Variants in CORO2B observed in about 807,000 individuals in gnomAD.
CORO2B encodes the protein coronin 2B.
CORO2B carries 26 observed loss-of-function variants against 58.8 expected under a neutral mutation model. The observed-to-expected ratio is 0.44, with a 90% CI of 0.32 to 0.61. CORO2B has a LOEUF of 0.61. Ranked by LOEUF, CORO2B falls within the 20% of genes least tolerant of loss-of-function variation. The pLI, the probability that CORO2B is intolerant of heterozygous loss-of-function variation, is 0.04. For synonymous variants in CORO2B, 242 were observed against 253.8 expected, an observed-to-expected ratio of 0.95 and a Z score of 0.44; for missense variants, 460 against 645.1, an observed-to-expected ratio of 0.71 and a Z score of 3.11.
chr15:68,706,605 C>T (rs1478306722), intron 3 of CORO2B, among the ~76,000 whole-genome samples: 3 of 152,246 alleles, frequency 2.0e-5, no homozygotes, highest in African/African-American at 7.2e-5. Flanking sequence ...AGACAGAATC[C>T]TCTGCCCCCA....
the CORO2B span, among the ~76,000 whole-genome samples, chr15:68,540,427 G>A: frequency 6.6e-6 from 1 of 152,200 alleles, no homozygotes; most frequent in Non-Finnish European, 1.5e-5. Flanking sequence ...TCCTTGAAGT[G>A]GTGGGCTCCT....
upstream of CORO2B, among the ~76,000 whole-genome samples, chr15:68,576,197 A>C (rs1327321478): frequency 7.1e-6 from 1 of 141,138 alleles, no homozygotes; most frequent in Non-Finnish European, 1.5e-5. Context: ...AAGAAAATGC[A>C]TGTATTTCTC....
chr15:68,646,367 C>T (rs530350269), intron 2 of CORO2B, among the ~76,000 whole-genome samples: 28 of 152,270 alleles, frequency 1.8e-4, no homozygotes, highest in African/African-American at 4.8e-4. Flanking sequence ...TCCCACCCTC[C>T]GCCAAATCGC....
rs535483420 is a variant in CORO2B, at chr15:68,661,702, G to A, written c.216+16342G>A. 1.5e-4 allele frequency among the ~76,000 whole-genome samples: 23 copies of A among 152,146 alleles called. 3 individuals are homozygous for A. Among genetic ancestry groups the A allele is most frequent in the African/African-American group, 4.1e-4 (17 of 41,498 alleles). ...TATTTTTCCAGAACAGGGCACTTTC[G>A]TCTGCATTAAAAACCTGTTCAGGGC... On this transcript the variant is annotated intron_variant, in intron 2 of 11. Coordinates refer to ENST00000261861, the MANE Select transcript of CORO2B (RefSeq NM_006091.5).
the CORO2B span, among the ~76,000 whole-genome samples, chr15:68,527,280 A>G: frequency 6.6e-6 from 1 of 152,124 alleles, no homozygotes; most frequent in African/African-American, 2.4e-5. Context: ...CTTACCCCAA[A>G]GTTGAAAAGA....
At chr15:68,675,923 T>C (rs1486855853) in intron 2 of CORO2B, among the ~76,000 whole-genome samples, 1 of 151,804 alleles carries the variant, frequency 6.6e-6, no homozygotes, top group Admixed American at 6.6e-5. Flanking sequence ...AGACAGATAA[T>C]AAAGTGGATT....
At chr15:68,553,275 G>A in the CORO2B span, among the ~76,000 whole-genome samples, 2 of 152,218 alleles carry the variant, frequency 1.3e-5, no homozygotes, top group Admixed American at 1.3e-4. Flanking sequence ...ACCTGATGTG[G>A]CAAAAGGAAC....
intron 1 of CORO2B, among the ~76,000 whole-genome samples, chr15:68,593,048 C>T (rs1899743508): frequency 6.6e-6 from 1 of 152,188 alleles, no homozygotes; most frequent in African/African-American, 2.4e-5. Flanking sequence ...GCAGAGGCAT[C>T]ACGTCATAGT....
intron 2 of CORO2B, among the ~76,000 whole-genome samples, chr15:68,668,654 C>T (rs1486871233): frequency 1.3e-5 from 2 of 152,168 alleles, no homozygotes; most frequent in East Asian, 1.9e-4. Flanking sequence ...CTGGGCTACC[C>T]AGAACCTTGG....
intron 1 of CORO2B, among the ~76,000 whole-genome samples, chr15:68,609,337 G>GGTGAACTGGT (rs1900194326): frequency 6.6e-6 from 1 of 152,176 alleles, no homozygotes; most frequent in African/African-American, 2.4e-5. Flanking sequence ...AAGAGGATCT[G>GGTGAACTGGT]GTGAACTGAG....
chr15:68,549,726 G>A, the CORO2B span, among the ~76,000 whole-genome samples: 115,594 of 152,044 alleles, frequency 0.76, 44,129 homozygotes, highest in East Asian at 0.91. Flanking sequence ...ATCCTTTGAG[G>A]TCAGGAGTTC....
intron 5 of CORO2B, among the ~76,000 whole-genome samples, 196 bp downstream of exon 5, chr15:68,711,902 AC>A (rs1402258170): frequency 1.3e-5 from 2 of 151,612 alleles, no homozygotes; most frequent in Admixed American, 6.6e-5. Context: ...GTGGGGAGGG[AC>A]CTCATACCCT....
At chr15:68,690,698 G>A (rs1892338690) in intron 2 of CORO2B, among the ~76,000 whole-genome samples, 1 of 143,666 alleles carries the variant, frequency 7.0e-6, no homozygotes, top group African/African-American at 2.6e-5. Flanking sequence ...CATCCAGGCT[G>A]GAAGAGAGTG....
chr15:68,647,612 C>G (rs1361383483), intron 2 of CORO2B, among the ~76,000 whole-genome samples: 1 of 150,936 alleles, frequency 6.6e-6, no homozygotes, highest in East Asian at 2.0e-4. Context: ...TCGCTTGAAC[C>G]TGGGAGGCGG....
chr15:68,662,876 A>G (rs1204597647), intron 2 of CORO2B, among the ~76,000 whole-genome samples: 3 of 152,240 alleles, frequency 2.0e-5, no homozygotes, highest in Non-Finnish European at 4.4e-5. Flanking sequence ...GTAAATGATA[A>G]GACAGACTAG....
intron 1 of CORO2B, chr15:68,632,017 G>T (rs1207488424): frequency 1.0e-6 from 1 of 985,334 alleles, no homozygotes; most frequent in Non-Finnish European, 1.2e-6. Context: ...AGTAATGAGG[G>T]AGGCAGGGCT....
rs139280534 is a variant in CORO2B at position 68,710,979 on chromosome 15, A to G, written c.483+98A>G. The G allele has an allele frequency of 1.3e-3, 1,744 of 1,300,642 alleles. 6 individuals are homozygous for G. Among genetic ancestry groups the G allele is most frequent in the Middle Eastern group, 0.01 (51 of 5,084 alleles). 80.6% of individuals were successfully genotyped at this position (1,300,642 alleles called of 1,614,324 possible). ...AGCACTGTTGCTTCCTAAGCAACCA[A>G]TATGGCCTCATCTGTTCATTTGCTT... On this transcript the variant is annotated intron_variant, in intron 4 of 11. Coordinates refer to ENST00000261861, the MANE Select transcript of CORO2B (RefSeq NM_006091.5). This position sits in a 1 kb window ranked among gnomAD's most constrained non-coding sequence, Gnocchi z 4.1.
At position 68,645,422 on chromosome 15, in the gene CORO2B, C is replaced by T; in HGVS notation, c.216+62C>T. 1 of 1,523,278 alleles carries T rather than the reference C, an allele frequency of 6.6e-7. No individual in the cohort carries two copies. The highest frequency in any genetic ancestry group is 9.0e-7 in the Non-Finnish European group (1 of 1,114,960). 94.4% of individuals were successfully genotyped at this position (1,523,278 alleles called of 1,614,324 possible). A position where few individuals can be genotyped will look rare whatever the true frequency, so the allele number is the denominator to read the frequency against. ...AGGGCAGAGAGGAGCCCTCCTTGGTCTCTCTTAGGCCTGTTGACCCTACTT... is the reference window on the plus strand; with the variant it reads ...AGGGCAGAGAGGAGCCCTCCTTGGTTTCTCTTAGGCCTGTTGACCCTACTT... On this transcript the variant is annotated intron_variant, in intron 2 of 11. Coordinates refer to ENST00000261861, the MANE Select transcript of CORO2B (RefSeq NM_006091.5). This position sits in a 1 kb window ranked among gnomAD's most constrained non-coding sequence, Gnocchi z 4.5.
chr15:68,551,525 A>T, the CORO2B span, among the ~76,000 whole-genome samples: 3 of 152,204 alleles, frequency 2.0e-5, no homozygotes, highest in Non-Finnish European at 4.4e-5. Context: ...AATCTCCTCA[A>T]CACTTGGGCC....
Sources: allele counts gnomAD v4.1 joint callset (sites outside exome capture counted in the v4.1 genomes callset), GRCh38; gene constraint gnomAD v4.1.1; non-coding constraint Gnocchi (gnomAD v3.1); transcripts MANE v1.5; gene names NCBI Gene and HGNC (gene_info 2026-07-23, HGNC 2026-07-21).